Variants in EEA1 observed in about 807,000 individuals in gnomAD.
EEA1 encodes early endosome antigen 1.
A neutral mutation model predicts 209.2 loss-of-function variants in EEA1; 111 were observed. The ratio of observed to expected loss-of-function variants is 0.53; its 90% confidence interval spans 0.45 to 0.62. The LOEUF is 0.62. Among genes scored for constraint, EEA1 ranks in the 20% least tolerant of loss-of-function variants. The probability of loss-of-function intolerance (pLI) is 0.00; values close to 1 mark genes in which losing one functional copy is unlikely to be tolerated. For missense variants in EEA1, 1,343 were observed against 1,530.8 expected (o/e 0.88, Z 2.05); for synonymous variants, 536 against 540.6 (o/e 0.99, Z 0.12).
Position 92,905,002 on chromosome 12 carries a change from C to T in EEA1, c.25-13281G>A, listed in dbSNP as rs140386389. On this transcript the variant is annotated intron_variant, in intron 1 of 28. Coordinates refer to ENST00000322349, the MANE Select transcript of EEA1 (RefSeq NM_003566.4). Reference sequence around the variant, plus strand: ...ATGCCTGAAGGTCAGAGGGTAGGGTCGAAAGTTCCATAGCCTTAATCTTGT... The same window carrying T: ...ATGCCTGAAGGTCAGAGGGTAGGGTTGAAAGTTCCATAGCCTTAATCTTGT... Among the ~76,000 whole-genome samples the T allele has an allele frequency of 5.9e-3, 892 of 152,186 alleles. 8 individuals carry two copies. The highest frequency in any genetic ancestry group is 0.02 in the African/African-American group (851 of 41,518).
At position 92,838,233 on chromosome 12, in the gene EEA1, TAC is replaced by T. The variant is rs771294744; in HGVS notation, c.915+4230_915+4231del. 2.9e-4 allele frequency among the ~76,000 whole-genome samples: 44 copies of T among 152,188 alleles called. 1 individual carries two copies. The highest frequency in any genetic ancestry group is 8.8e-5 in the Non-Finnish European group (6 of 68,030). On this transcript the variant is annotated intron_variant, in intron 10 of 28. Transcript: ENST00000322349. The stretch of plus-strand genomic sequence containing the variant: ...AATAATGTGCACGTGTGAATATACA[TAC>T]ACACAACACACACAAAATGTGTGCT...
At chr12:92,788,922 C>A (rs1256034307) in intron 21 of EEA1, among the ~76,000 whole-genome samples, 2 of 152,134 alleles carry the variant, frequency 1.3e-5, no homozygotes, top group Admixed American at 1.3e-4. Flanking sequence ...TTTTCCTCTG[C>A]TACTTCTGTG....
At position 92,827,955 on chromosome 12, in the gene EEA1, T is replaced by C. The variant is rs1416430025; in HGVS notation, c.1361A>G (p.Gln454Arg). 6.3e-7 allele frequency: 1 copy of C among 1,596,242 alleles called. No individual in the cohort carries two copies. The highest frequency in any genetic ancestry group is 8.5e-7 in the Non-Finnish European group (1 of 1,173,174). Reference protein sequence around the residue: ...SSEKLMDKEQQVADLQLKLSR... With the variant: ...SSEKLMDKEQRVADLQLKLSR... ...AAGTTTGAGTTGTAAATCAGCCACT[T>C]GTTGTTCTTTATCCATCAACTTTTC... The change falls in exon 12 of 29, where the codon CAA becomes CGA. Residue 454 changes from glutamine (Q) to arginine (R), a missense_variant. By Grantham distance (43) the Gln-to-Arg change is conservative. Transcript: ENST00000322349.
intron 10 of EEA1, among the ~76,000 whole-genome samples, chr12:92,833,728 A>AG (rs1221549717): frequency 1.3e-5 from 2 of 152,190 alleles, no homozygotes; most frequent in African/African-American, 4.8e-5. Context: ...GAAATAGGAA[A>AG]GAACAATCAA....
intron 6 of EEA1, 35 bp from the exon 7 acceptor site, chr12:92,853,060 G>T: frequency 1.5e-6 from 2 of 1,311,888 alleles, no homozygotes; most frequent in Non-Finnish European, 2.2e-6. Context: ...CAAATACCAT[G>T]TTAATTACAT....
chr12:92,775,821 G>GT lies in EEA1; in HGVS notation c.*189_*190insA. On this transcript the variant is annotated 3_prime_UTR_variant, in exon 29 of 29. Transcript: ENST00000322349. ...AAATGGGAAAAAAGTAATGAAAGAT[G>GT]ATAAGCCCAAGTCTCACAAAAATAG... is the stretch of plus-strand genomic sequence containing the variant. 1 of 454,320 alleles carries GT rather than the reference G, an allele frequency of 2.2e-6. No individual in the cohort carries two copies. The highest frequency in any genetic ancestry group is 3.6e-6 in the Non-Finnish European group (1 of 278,600). 28.1% of individuals were successfully genotyped at this position (454,320 alleles called of 1,614,324 possible).
Position 92,775,998 on chromosome 12 carries a change from T to C in EEA1, c.*13A>G. On this transcript the variant is annotated 3_prime_UTR_variant, in exon 29 of 29. Coordinates refer to ENST00000322349, the MANE Select transcript of EEA1 (RefSeq NM_003566.4). Reference sequence around the variant, plus strand: ...ATGTTAGTGTAATATTACTCTGAAGTTGTGATAACCCATTATCCTTGCAAG... The same window carrying C: ...ATGTTAGTGTAATATTACTCTGAAGCTGTGATAACCCATTATCCTTGCAAG... The C allele has an allele frequency of 6.2e-7, 1 of 1,607,808 alleles. No homozygotes were observed. The highest frequency in any genetic ancestry group is 8.5e-7 in the Non-Finnish European group (1 of 1,176,592).
chr12:92,851,051 C>T, intron 9 of EEA1, 60 bp downstream of exon 9: 2 of 1,494,838 alleles, frequency 1.3e-6, no homozygotes, highest in Non-Finnish European at 1.8e-6. Flanking sequence ...TGGCTTCACT[C>T]AATAGTATAC....
At chr12:92,889,011 G>T (rs1879544511) in intron 2 of EEA1, among the ~76,000 whole-genome samples, 1 of 152,018 alleles carries the variant, frequency 6.6e-6, no homozygotes, top group Non-Finnish European at 1.5e-5. Context: ...AATTCGCAGG[G>T]TGTGGTGGCA....
chr12:92,802,421 C>G lies in EEA1; in HGVS notation c.2653G>C (p.Ala885Pro). 1 of 1,574,458 alleles carries G rather than the reference C, an allele frequency of 6.4e-7. No homozygotes were observed. The highest frequency in any genetic ancestry group is 1.2e-5 in the South Asian group (1 of 82,956). ...EFEKENQKGKAAILDLEKTCK... is the reference protein window; with the variant it reads ...EFEKENQKGKPAILDLEKTCK... ...CTACTAACCAAGTCTAATATAGCGG[C>G]TTTTCCTTTCTGATTCTCCTTTTCA... The change falls in exon 19 of 29, where the codon GCC (alanine) becomes CCC (proline). Residue 885 changes from alanine (A) to proline (P), a missense_variant. Ala to Pro is a conservative substitution (Grantham distance 27, BLOSUM62 -1). This residue lies in a region of EEA1 where 1,307 missense variants were observed against 1,465.5 expected (regional missense o/e 0.89). Transcript: ENST00000322349.
chr12:92,901,081 C>A (rs1880122026), intron 1 of EEA1, among the ~76,000 whole-genome samples: 1 of 152,216 alleles, frequency 6.6e-6, no homozygotes, highest in African/African-American at 2.4e-5. Context: ...ATGAAAGACA[C>A]TGGAAACAGG....
At chr12:92,928,926 G>T in intron 1 of EEA1, 117 bp downstream of exon 1, 1 of 1,075,476 alleles carries the variant, frequency 9.3e-7, no homozygotes, top group Non-Finnish European at 1.3e-6. Context: ...AGCGCCTGCC[G>T]GGCTGTGGGG....
chr12:92,907,867 G>A (rs367652868), intron 1 of EEA1, among the ~76,000 whole-genome samples: 2 of 152,136 alleles, frequency 1.3e-5, no homozygotes, highest in South Asian at 2.1e-4. Context: ...TACTTGGGAG[G>A]CTGAGGCAGG....
At chr12:92,830,872 C>A (rs909551094) in intron 11 of EEA1, among the ~76,000 whole-genome samples, 2 of 152,114 alleles carry the variant, frequency 1.3e-5, no homozygotes, top group Non-Finnish European at 2.9e-5. Flanking sequence ...TATAAAGAAT[C>A]AATTTGTCAG....
chr12:92,804,625 C>T (rs1875106779), intron 18 of EEA1, among the ~76,000 whole-genome samples: 1 of 149,124 alleles, frequency 6.7e-6, no homozygotes, highest in African/African-American at 2.5e-5. Flanking sequence ...AGGAAAGCCT[C>T]AATATTTGGA....
At chr12:92,896,926 G>A (rs1051517951) in intron 1 of EEA1, among the ~76,000 whole-genome samples, 1 of 152,108 alleles carries the variant, frequency 6.6e-6, no homozygotes, top group Admixed American at 6.5e-5. Flanking sequence ...TGTAATCCTA[G>A]TGCTTTGGGA....
chr12:92,877,146 T>G (rs938415924), intron 2 of EEA1, among the ~76,000 whole-genome samples: 2 of 149,708 alleles, frequency 1.3e-5, no homozygotes, highest in African/African-American at 2.5e-5. Context: ...TTTTTTTTTT[T>G]TTTTGTATTT....
chr12:92,822,514 C>T (rs1876106527), intron 13 of EEA1, among the ~76,000 whole-genome samples: 1 of 152,024 alleles, frequency 6.6e-6, no homozygotes, highest in African/African-American at 2.4e-5. Context: ...CACAAACCCA[C>T]ATTTGAAGGT....
At chr12:92,843,740 T>C (rs1406470813) in intron 9 of EEA1, among the ~76,000 whole-genome samples, 2 of 152,162 alleles carry the variant, frequency 1.3e-5, no homozygotes, top group Non-Finnish European at 2.9e-5. Flanking sequence ...TTCCAGTGTC[T>C]ATTTCTTTAT....
Sources: gnomAD v4.1 joint callset for allele counts (sites outside exome capture counted in the v4.1 genomes callset) on GRCh38, gnomAD v4.1.1 for gene constraint, gnomAD v4.1.1 regional missense constraint, MANE v1.5 for transcripts, NCBI Gene and HGNC (gene_info 2026-07-23, HGNC 2026-07-21) for gene names.